XDH: variants seen among roughly 807,000 people sequenced by gnomAD.
XDH encodes xanthine dehydrogenase/oxidase.
XDH carries 138 observed loss-of-function variants against 156.1 expected under a neutral mutation model. The ratio of observed to expected loss-of-function variants is 0.88; its 90% CI spans 0.77 to 1.02. The LOEUF (loss-of-function observed/expected upper bound fraction) is 1.02. XDH is among the 50% of genes least tolerant of loss of function. The pLI is 0.00. For missense variants in XDH, 1,849 were observed against 1,684.9 expected, an observed-to-expected ratio of 1.10 and a Z score of -1.71; for synonymous variants, 669 against 625.7, an observed-to-expected ratio of 1.07 and a Z score of -1.03.
chr2:31,383,950 C>A, intron 9 of XDH, 103 bp from the exon 10 acceptor site: 1 of 1,014,404 alleles, frequency 9.9e-7, no homozygotes, highest in East Asian at 2.6e-5. Context: ...ATGACATATC[C>A]ACAATCATAA....
intron 18 of XDH, among the ~76,000 whole-genome samples, chr2:31,368,899 GA>G (rs1685995796): frequency 6.6e-6 from 1 of 152,162 alleles, no homozygotes; most frequent in Non-Finnish European, 1.5e-5. Context: ...AGACTATTGA[GA>G]AGCTGAACCA....
chr2:31,352,588 G>A (rs1373519794), intron 24 of XDH, among the ~76,000 whole-genome samples: 1 of 152,142 alleles, frequency 6.6e-6, no homozygotes, highest in Non-Finnish European at 1.5e-5. Context: ...CAATGTCATA[G>A]CCTTCCTTAT....
chr2:31,393,613 T>C (rs748521640), intron 6 of XDH, among the ~76,000 whole-genome samples: 1 of 152,166 alleles, frequency 6.6e-6, no homozygotes, highest in African/African-American at 2.4e-5. Context: ...CACTGACATT[T>C]AAGGTAATCA....
intron 4 of XDH, among the ~76,000 whole-genome samples, chr2:31,400,486 T>C (rs1687028262): frequency 1.3e-5 from 2 of 152,116 alleles, no homozygotes; most frequent in African/African-American, 4.8e-5. Flanking sequence ...CCAAGTTTCC[T>C]CAAACAAAAT....
intron 24 of XDH, among the ~76,000 whole-genome samples, chr2:31,357,222 C>G (rs539223183): frequency 2.0e-5 from 3 of 152,180 alleles, no homozygotes; most frequent in Admixed American, 2.0e-4. Context: ...CCAAAGCAAA[C>G]AGAGTGAACG....
rs1686212917 is a variant in XDH at position 31,375,270 on chromosome 2, T to A, written c.1602+110A>T. On this transcript the variant is annotated intron_variant, in intron 15 of 35. Coordinates refer to ENST00000379416, the MANE Select transcript of XDH (RefSeq NM_000379.4). ...CTTGTGCTGTGACCCTGGTCCCTGC[T>A]ATTCTGCCCTCAGATGTCCAGAGGA... 9.4e-6 allele frequency: 13 copies of A among 1,381,604 alleles called. No individual in the cohort carries two copies. The Admixed American group carries it at 2.2e-4, about 23-fold the overall frequency. 85.6% of individuals were successfully genotyped at this position (1,381,604 alleles called of 1,614,324 possible). A position where few individuals can be genotyped will look rare whatever the true frequency, so the allele number is the denominator to read the frequency against.
At chr2:31,379,250 G>T (rs1457296233) in intron 13 of XDH, among the ~76,000 whole-genome samples, 1 of 152,174 alleles carries the variant, frequency 6.6e-6, no homozygotes, top group African/African-American at 2.4e-5. Flanking sequence ...CAACAGGCCA[G>T]AAGAGCCACT....
chr2:31,387,112 C>T (rs1379873388), intron 8 of XDH, among the ~76,000 whole-genome samples: 2 of 152,130 alleles, frequency 1.3e-5, no homozygotes, highest in African/African-American at 4.8e-5. Flanking sequence ...GGGCTGAGAA[C>T]GAAGCCCTCA....
At chr2:31,381,471 C>T (rs1431039371) in intron 12 of XDH, among the ~76,000 whole-genome samples, 162 bp downstream of exon 12, 2 of 152,178 alleles carry the variant, frequency 1.3e-5, no homozygotes, top group Admixed American at 6.5e-5. Flanking sequence ...CCAGCTTTCC[C>T]GTCCACCAAA....
At chr2:31,350,322 C>G in intron 24 of XDH, 99 bp from the exon 25 acceptor site, 2 of 1,178,718 alleles carry the variant, frequency 1.7e-6, no homozygotes, top group African/African-American at 1.5e-5. Context: ...CCTGCCTTTC[C>G]CCTCTGCACC....
chr2:31,346,990 G>T, intron 29 of XDH, 147 bp from the exon 30 acceptor site: 1 of 1,018,714 alleles, frequency 9.8e-7, no homozygotes, highest in Non-Finnish European at 1.5e-6. Flanking sequence ...ACTCCAGAAT[G>T]ATCAAGGCCC....
At chr2:31,396,526 A>G (rs1001316226) in intron 6 of XDH, among the ~76,000 whole-genome samples, 42 of 152,240 alleles carry the variant, frequency 2.8e-4, no homozygotes, top group African/African-American at 1.0e-3. Context: ...TTCAAGAAGT[A>G]CTTAATTTTT....
At chr2:31,371,570 G>T (rs550896842) in intron 17 of XDH, among the ~76,000 whole-genome samples, 6 of 152,320 alleles carry the variant, frequency 3.9e-5, no homozygotes, top group African/African-American at 7.2e-5. Context: ...GGTGGTTTGA[G>T]CGTAGACAAT....
At chr2:31,394,821 T>C (rs1686859661) in intron 6 of XDH, among the ~76,000 whole-genome samples, 1 of 152,212 alleles carries the variant, frequency 6.6e-6, no homozygotes, top group East Asian at 1.9e-4. Context: ...TCCAGTCTAC[T>C]AATGAGCCCA....
At chr2:31,406,108 T>A (rs1039593063) in intron 1 of XDH, 144 bp from the exon 2 acceptor site, 2 of 926,162 alleles carry the variant, frequency 2.2e-6, no homozygotes, top group African/African-American at 3.3e-5. Context: ...CCTCTAAATC[T>A]CATGTTTAAT....
chr2:31,347,435 A>G, intron 29 of XDH, 87 bp downstream of exon 29: 1 of 1,591,352 alleles, frequency 6.3e-7, no homozygotes, highest in Non-Finnish European at 8.6e-7. Flanking sequence ...CCTGCAAGGA[A>G]CCCTTCTAGC....
At chr2:31,407,256 C>G (rs996163537) in intron 1 of XDH, among the ~76,000 whole-genome samples, 1 of 152,066 alleles carries the variant, frequency 6.6e-6, no homozygotes, top group African/African-American at 2.4e-5. Context: ...GAAATTAATA[C>G]CGACAATGAC....
intron 1 of XDH, among the ~76,000 whole-genome samples, chr2:31,410,190 A>G (rs1687302122): frequency 1.3e-5 from 2 of 152,180 alleles, no homozygotes; most frequent in African/African-American, 4.8e-5. Flanking sequence ...ATAGAGACAG[A>G]AAAAATGATG....
Position 31,381,711 on chromosome 2 carries a change from T to G in XDH, c.1054A>C (p.Ile352Leu), listed in dbSNP as rs1686440818. Residue 352 changes from isoleucine (I) to leucine (L), a missense_variant, in exon 12 of 36, where the codon ATC (isoleucine) becomes CTC (leucine). Physicochemically the swap from Ile to Leu is conservative, Grantham distance 5. Coordinates refer to ENST00000379416, the MANE Select transcript of XDH (RefSeq NM_000379.4). ...TCGGAGATGGGGCTGGCAGTGATGA[T>G]GTTCCCTCCAACGGACTAAAACAAG... is the stretch of plus-strand genomic sequence containing the variant. ...VKSVASVGGN[I>L]ITASPISDLN... 1 of 1,613,736 alleles carries G rather than the reference T, an allele frequency of 6.2e-7. No homozygotes were observed. The highest frequency in any genetic ancestry group is 1.3e-5 in the African/African-American group (1 of 75,006).
Sources: gnomAD v4.1 joint callset for allele counts (sites outside exome capture counted in the v4.1 genomes callset) on GRCh38, gnomAD v4.1.1 for gene constraint, MANE v1.5 for transcripts, NCBI Gene and HGNC (gene_info 2026-07-23, HGNC 2026-07-21) for gene names.